DIP2A: variants seen among roughly 807,000 people sequenced by gnomAD.
DIP2A encodes the protein disco-interacting protein 2 homolog A.
Under a neutral mutation model 177.4 loss-of-function variants are expected in DIP2A, and 85 were observed. The observed-to-expected ratio is 0.48, with a 90% CI of 0.40 to 0.57. The LOEUF is 0.57. Ranked by LOEUF, DIP2A falls within the 20% of genes least tolerant of loss-of-function variation. The pLI, the probability that DIP2A is intolerant of heterozygous loss-of-function variation, is 0.00. For synonymous variants in DIP2A, 886 were observed against 881.8 expected, an observed-to-expected ratio of 1.00 and a Z score of -0.08; for missense variants, 1,791 against 2,100.2, an observed-to-expected ratio of 0.85 and a Z score of 2.88.
chr21:46,579,163 A>T, the DIP2A span, among the ~76,000 whole-genome samples: 1 of 152,114 alleles, frequency 6.6e-6, no homozygotes, highest in African/African-American at 2.4e-5. Context: ...CAGAGATTCA[A>T]CTTCTTTGTG....
intron 1 of DIP2A, among the ~76,000 whole-genome samples, chr21:46,471,526 C>T (rs1226849941): frequency 1.3e-5 from 2 of 152,202 alleles, no homozygotes; most frequent in African/African-American, 2.4e-5. Flanking sequence ...ATCCTTGTGG[C>T]TCAATCTTTA....
At chr21:46,531,611 A>C (rs2059360194) in intron 9 of DIP2A, among the ~76,000 whole-genome samples, 1 of 152,254 alleles carries the variant, frequency 6.6e-6, no homozygotes, top group African/African-American at 2.4e-5. Context: ...TAGGTGAATC[A>C]TAATAAAATG....
chr21:46,492,679 T>C (rs892345865), intron 3 of DIP2A, among the ~76,000 whole-genome samples: 2 of 152,140 alleles, frequency 1.3e-5, no homozygotes, highest in African/African-American at 4.8e-5. Flanking sequence ...AGAAGAGGCA[T>C]TGGCCAGGCG....
At position 46,490,685 on chromosome 21, in the gene DIP2A, G is replaced by T. The variant is rs758731951; in HGVS notation, c.249G>T (p.Arg83=). ...CTGCACCCAAGCAGCAGAAGTCTCGGCCCACCGCCTCGAGGGATGAGCGCT... is the reference window on the plus strand; with the variant it reads ...CTGCACCCAAGCAGCAGAAGTCTCGTCCCACCGCCTCGAGGGATGAGCGCT... ...TAAAPKQQKS[R]PTASRDERFR... The change falls in exon 3 of 38, where the codon CGG becomes CGT. Residue 83 remains arginine, a synonymous_variant. Coordinates refer to ENST00000417564, the MANE Select transcript of DIP2A (RefSeq NM_015151.4). 6.3e-7 allele frequency: 1 copy of T among 1,588,236 alleles called. No homozygotes were observed. Among genetic ancestry groups the T allele is most frequent in the East Asian group, 2.3e-5 (1 of 43,626 alleles).
At chr21:46,531,411 G>A (rs1444930611) in intron 9 of DIP2A, among the ~76,000 whole-genome samples, 1 of 152,226 alleles carries the variant, frequency 6.6e-6, no homozygotes, top group East Asian at 1.9e-4. Context: ...TATCAGAAAA[G>A]AAAGGAAATG....
At chr21:46,475,807 G>A (rs544197204) in intron 1 of DIP2A, among the ~76,000 whole-genome samples, 1 of 152,086 alleles carries the variant, frequency 6.6e-6, no homozygotes, top group South Asian at 2.1e-4. Context: ...TCCTGAATTT[G>A]GTATTTTATC....
At chr21:46,464,844 T>TTTTTTTTTTTTTTAAA (rs58546395) in intron 1 of DIP2A, among the ~76,000 whole-genome samples, 1 of 111,232 alleles carries the variant, frequency 9.0e-6, no homozygotes. Flanking sequence ...TTTTTTTTTT[T>TTTTTTTTTTTTTTAAA]CAAGAAAACA....
intron 3 of DIP2A, among the ~76,000 whole-genome samples, chr21:46,491,238 T>C (rs1203183815): frequency 2.0e-5 from 3 of 151,990 alleles, no homozygotes; most frequent in Admixed American, 6.6e-5. Flanking sequence ...ATTCACATTT[T>C]CTATTATAGT....
chr21:46,540,364 C>T (rs1206533496), intron 17 of DIP2A, among the ~76,000 whole-genome samples: 4 of 152,146 alleles, frequency 2.6e-5, no homozygotes, highest in African/African-American at 9.7e-5. Flanking sequence ...TGGAGAAGCA[C>T]CCGGCCTGGT....
chr21:46,531,584 A>T lies in DIP2A; in HGVS notation c.1195-543A>T, dbSNP rs542345313. On this transcript the variant is annotated intron_variant, in intron 9 of 37. Transcript: ENST00000417564. ...AAAGACTTTCAGATTCTTGACTTGC[A>T]AGAGAATCTCTTTGGTTAGGTGAAT... Among the ~76,000 whole-genome samples the T allele has an allele frequency of 2.0e-5, 3 of 152,368 alleles. No individual in the cohort carries two copies. The South Asian group carries it at 6.2e-4, about 32-fold the overall frequency.
chr21:46,466,840 G>A (rs1373566533), intron 1 of DIP2A, among the ~76,000 whole-genome samples: 2 of 152,074 alleles, frequency 1.3e-5, no homozygotes, highest in Non-Finnish European at 2.9e-5. Flanking sequence ...ACAGGAGCAG[G>A]TATGAGAATC....
At chr21:46,507,670 T>C (rs75065286) in intron 6 of DIP2A, among the ~76,000 whole-genome samples, 1 of 144,422 alleles carries the variant, frequency 6.9e-6, no homozygotes, top group Admixed American at 7.0e-5. Flanking sequence ...CCAACTCTGC[T>C]TTTTTTTTTT....
At chr21:46,502,196 T>C (rs533477286) in intron 5 of DIP2A, among the ~76,000 whole-genome samples, 3 of 152,050 alleles carry the variant, frequency 2.0e-5, no homozygotes, top group Non-Finnish European at 4.4e-5. Context: ...AGTGCAGCGG[T>C]ATGGTCCTAG....
the DIP2A span, among the ~76,000 whole-genome samples, chr21:46,582,462 G>C: frequency 6.4e-3 from 976 of 152,310 alleles, 6 homozygotes; most frequent in Non-Finnish European, 0.01. Context: ...CTCATGAGGG[G>C]ATTTCCTGAT....
At chr21:46,548,601 T>A (rs1478717072) in intron 21 of DIP2A, among the ~76,000 whole-genome samples, 1 of 152,188 alleles carries the variant, frequency 6.6e-6, no homozygotes, top group Non-Finnish European at 1.5e-5. Context: ...TGGATACAGC[T>A]AGAGAACAAG....
At chr21:46,545,602 A>G (rs974628702) in intron 19 of DIP2A, among the ~76,000 whole-genome samples, 1 of 152,194 alleles carries the variant, frequency 6.6e-6, no homozygotes, top group Non-Finnish European at 1.5e-5. Context: ...GCCCTCTGCT[A>G]TATTTGCATT....
chr21:46,473,609 G>A (rs968773969), intron 1 of DIP2A, among the ~76,000 whole-genome samples: 1 of 152,140 alleles, frequency 6.6e-6, no homozygotes, highest in African/African-American at 2.4e-5. Context: ...TCCGCCTCCT[G>A]GGTTCAAGAA....
At chr21:46,583,372 A>G in the DIP2A span, among the ~76,000 whole-genome samples, 1 of 152,026 alleles carries the variant, frequency 6.6e-6, no homozygotes, top group Admixed American at 6.6e-5. Context: ...ACAAACATCT[A>G]TAAAACACTC....
Position 46,568,517 on chromosome 21 carries a change from C to G in DIP2A, c.*895C>G, listed in dbSNP as rs956860479. ...CCTGGGTGACAGCACGAGATGCCGT[C>G]TTAAAAAAACAAAAAAGAGGTGTGC... On this transcript the variant is annotated 3_prime_UTR_variant, in exon 38 of 38. Coordinates refer to ENST00000417564, the MANE Select transcript of DIP2A (RefSeq NM_015151.4). The G allele has an allele frequency of 1.3e-5, 2 of 151,990 alleles. No homozygotes were observed. The highest frequency in any genetic ancestry group is 2.9e-5 in the Non-Finnish European group (2 of 68,018). 9.4% of individuals were successfully genotyped at this position (151,990 alleles called of 1,614,324 possible).
Sources: allele counts gnomAD v4.1 joint callset (sites outside exome capture counted in the v4.1 genomes callset), GRCh38; gene constraint gnomAD v4.1.1; transcripts MANE v1.5; gene names NCBI Gene and HGNC (gene_info 2026-07-23, HGNC 2026-07-21).